The following EPC1 variants were observed in gnomAD, a reference collection of about 807,000 sequenced individuals.
The protein encoded by EPC1 is enhancer of polycomb homolog 1.
A neutral mutation model predicts 98.4 loss-of-function variants in EPC1; 12 were observed. The observed-to-expected ratio is 0.12, with a 90% CI of 0.08 to 0.20. EPC1 has a LOEUF of 0.20. EPC1 is among the 10% of genes least tolerant of loss of function. The pLI is 1.00. For synonymous variants in EPC1, 357 were observed against 363.9 expected, an observed-to-expected ratio of 0.98 and a Z score of 0.21; for missense variants, 729 against 990.5, an observed-to-expected ratio of 0.74 and a Z score of 3.54.
intron 1 of EPC1, among the ~76,000 whole-genome samples, chr10:32,378,227 A>C (rs1312028439): frequency 1.3e-5 from 2 of 152,228 alleles, no homozygotes; most frequent in African/African-American, 4.8e-5. Flanking sequence ...AAACAAGTCC[A>C]TCTTGAAATA....
At chr10:32,294,185 T>G (rs1301052817) in intron 2 of EPC1, among the ~76,000 whole-genome samples, 1 of 152,206 alleles carries the variant, frequency 6.6e-6, no homozygotes, top group Non-Finnish European at 1.5e-5. Flanking sequence ...ATTCAACTAC[T>G]TTACCAAAAG....
At chr10:32,319,069 C>T (rs905967299) in intron 1 of EPC1, among the ~76,000 whole-genome samples, 1 of 152,086 alleles carries the variant, frequency 6.6e-6, no homozygotes, top group Non-Finnish European at 1.5e-5. Flanking sequence ...TGTACTGTTC[C>T]CTGCCTCTAA....
rs758180010 is a variant in EPC1 at position 32,272,004 on chromosome 10, A to G, written c.2005+22T>C. 7 of 1,604,454 alleles carry G rather than the reference A, an allele frequency of 4.4e-6. 1 individual carries two copies. In the East Asian group the frequency reaches 1.6e-4, roughly 36 times the overall value. On this transcript the variant is annotated intron_variant, in intron 12 of 13. Coordinates refer to ENST00000319778, the MANE Select transcript of EPC1 (RefSeq NM_001272004.3). The stretch of plus-strand genomic sequence containing the variant: ...ATATGTTATAAATATAACCCAAACA[A>G]TTTAAATGTCTTTATTCTTACCTGA...
chr10:32,311,611 A>G (rs886653368), intron 1 of EPC1, among the ~76,000 whole-genome samples: 4 of 151,060 alleles, frequency 2.6e-5, no homozygotes, highest in African/African-American at 5.0e-5. Context: ...CCCCAAGTAC[A>G]GCAGTTCTCC....
At chr10:32,346,153 C>T (rs1484127990) in intron 1 of EPC1, among the ~76,000 whole-genome samples, 1 of 152,176 alleles carries the variant, frequency 6.6e-6, no homozygotes, top group Non-Finnish European at 1.5e-5. Flanking sequence ...CATTTCCTTG[C>T]AGAGGGGGAG....
chr10:32,298,956 T>C (rs1363728674), intron 2 of EPC1, among the ~76,000 whole-genome samples: 3 of 152,150 alleles, frequency 2.0e-5, no homozygotes, highest in Admixed American at 1.3e-4. Context: ...AAGTATCCGT[T>C]AAAAAAACTT....
chr10:32,310,223 T>G (rs1397230382), intron 1 of EPC1, among the ~76,000 whole-genome samples: 6 of 152,082 alleles, frequency 3.9e-5, no homozygotes, highest in African/African-American at 9.7e-5. Flanking sequence ...GAACATGGAT[T>G]TTGTAATCAA....
intron 2 of EPC1, among the ~76,000 whole-genome samples, chr10:32,298,630 G>A (rs368527842): frequency 3.9e-5 from 6 of 152,160 alleles, no homozygotes; most frequent in East Asian, 1.9e-4. Flanking sequence ...TAAAGATATC[G>A]CTGACTAGCC....
intron 4 of EPC1, 101 bp from the exon 5 acceptor site, chr10:32,292,745 A>T: frequency 8.3e-7 from 1 of 1,203,020 alleles, no homozygotes; most frequent in East Asian, 2.7e-5. Flanking sequence ...TTAAATTAGA[A>T]TTTAAAGACA....
At chr10:32,373,508 T>C (rs948578775) in intron 1 of EPC1, among the ~76,000 whole-genome samples, 1 of 152,198 alleles carries the variant, frequency 6.6e-6, no homozygotes, top group Non-Finnish European at 1.5e-5. Context: ...TCTAAACATC[T>C]TGCCTAGTTA....
chr10:32,299,474 C>T (rs568134729), intron 2 of EPC1, among the ~76,000 whole-genome samples: 89 of 152,272 alleles, frequency 5.8e-4, no homozygotes, highest in African/African-American at 2.1e-3. Flanking sequence ...GCGTGAGTCC[C>T]CGTGCCTGGC....
At chr10:32,273,387 T>C (rs1835931608) in intron 10 of EPC1, 106 bp from the exon 11 acceptor site, 3 of 1,377,672 alleles carry the variant, frequency 2.2e-6, no homozygotes, top group East Asian at 2.5e-5. Context: ...AATTGAAGCA[T>C]CTGACAAAGG....
Position 32,272,061 on chromosome 10 carries a change from A to G in EPC1, c.1970T>C (p.Leu657Pro). ...MGFKMKDDVV[L>P]GIGVNGVLPA... ...AAGGACGCCATTCACCCCGATTCCA[A>G]GCACCACATCATCCTTCATCTTGAA... The change falls in exon 12 of 14, where the codon CTT becomes CCT. Residue 657 changes from leucine (L) to proline (P), a missense_variant. This residue lies in a region of EPC1 where 156 missense variants were observed against 188.9 expected (regional missense o/e 0.83). Transcript: ENST00000319778. 1 of 1,613,872 alleles carries G rather than the reference A, an allele frequency of 6.2e-7. No individual in the cohort carries two copies. Among genetic ancestry groups the G allele is most frequent in the Non-Finnish European group, 8.5e-7 (1 of 1,179,966 alleles).
At position 32,268,184 on chromosome 10, in the gene EPC1, A is replaced by C. The variant is rs1777949897; in HGVS notation, c.*879T>G. The C allele has an allele frequency of 6.6e-6, 1 of 152,208 alleles. No individual in the cohort carries two copies. The highest frequency in any genetic ancestry group is 2.1e-4 in the South Asian group (1 of 4,830). The allele number at this position is 152,208 out of a possible 1,614,324, so 9.4% of individuals were successfully genotyped here. A position where few individuals can be genotyped will look rare whatever the true frequency, so the allele number is the denominator to read the frequency against. On this transcript the variant is annotated 3_prime_UTR_variant, in exon 14 of 14. Coordinates refer to ENST00000319778, the MANE Select transcript of EPC1 (RefSeq NM_001272004.3). ...AAAAGGGCAAGACAACATAAACTCC[A>C]GTTGTAAGGACTCCATTTGCATACT... is the stretch of plus-strand genomic sequence containing the variant.
In EPC1 at chr10:32,366,025, T is replaced by G. The variant is rs1260930452; in HGVS notation, c.3+12466A>C. Among the ~76,000 whole-genome samples the G allele has an allele frequency of 2.0e-5, 3 of 151,294 alleles. No homozygotes were observed. In the East Asian group the frequency reaches 5.8e-4, roughly 29 times the overall value. ...GCGCGTGCCTGTAATCCCAGCTACT[T>G]GGGAGGCTGAGGCAGGAGAATCGCT... On this transcript the variant is annotated intron_variant, in intron 1 of 13. Coordinates refer to the EPC1 transcript ENST00000375110.
chr10:32,305,689 C>A, intron 2 of EPC1, 83 bp downstream of exon 2: 1 of 1,156,620 alleles, frequency 8.6e-7, no homozygotes. Context: ...ATAACAAAAA[C>A]GCTCCTGAAG....
At chr10:32,323,682 T>G (rs1438435325) in intron 1 of EPC1, among the ~76,000 whole-genome samples, 2 of 152,160 alleles carry the variant, frequency 1.3e-5, no homozygotes, top group Non-Finnish European at 2.9e-5. Flanking sequence ...ATCACGTAAT[T>G]GCCATTATAA....
At chr10:32,323,160 G>A (rs761803362) in intron 1 of EPC1, among the ~76,000 whole-genome samples, 3 of 152,024 alleles carry the variant, frequency 2.0e-5, no homozygotes, top group Non-Finnish European at 2.9e-5. Context: ...TATATACAAT[G>A]TACTTCTTCT....
intron 1 of EPC1, among the ~76,000 whole-genome samples, chr10:32,353,493 G>A (rs1040828259): frequency 1.3e-5 from 2 of 152,154 alleles, no homozygotes; most frequent in Non-Finnish European, 2.9e-5. Flanking sequence ...GGGACAACAA[G>A]ATTAAAAATC....
Sources: gnomAD v4.1 joint callset for allele counts (sites outside exome capture counted in the v4.1 genomes callset) on GRCh38, gnomAD v4.1.1 for gene constraint, gnomAD v4.1.1 regional missense constraint, MANE v1.5 for transcripts, NCBI Gene and HGNC (gene_info 2026-07-23, HGNC 2026-07-21) for gene names.